The following CSMD1 variants were observed in gnomAD, a reference collection of about 807,000 sequenced individuals.
The protein encoded by CSMD1 is CUB and Sushi multiple domains 1, also known as CUB and sushi domain-containing protein 1.
Under a neutral mutation model 417.5 loss-of-function variants are expected in CSMD1, and 213 were observed. The ratio of observed to expected loss-of-function variants is 0.51; its 90% CI spans 0.46 to 0.57. The LOEUF is 0.57. CSMD1 is among the 20% of genes least tolerant of loss of function. The probability of loss-of-function intolerance (pLI) is 0.00; values close to 1 mark genes in which losing one functional copy is unlikely to be tolerated. For synonymous variants in CSMD1, 2,862 were observed against 1,736.8 expected (o/e 1.65, Z -16.11); for missense variants, 6,923 against 4,529.7 (o/e 1.53, Z -15.17).
chr8:4,799,538 G>A (rs1053725523), intron 1 of CSMD1, among the ~76,000 whole-genome samples: 8 of 139,956 alleles, frequency 5.7e-5, no homozygotes, highest in Admixed American at 4.5e-4. Flanking sequence ...GGCGGAGGTT[G>A]CAGTGAGCTG....
intron 3 of CSMD1, among the ~76,000 whole-genome samples, chr8:4,063,382 A>G (rs972665544): frequency 1.3e-5 from 2 of 152,216 alleles, no homozygotes; most frequent in African/African-American, 4.8e-5. Flanking sequence ...AATATCAGAC[A>G]AGTAAACTAT....
At chr8:2,938,858 G>T in intron 69 of CSMD1, 114 bp from the exon 70 acceptor site, 1 of 894,872 alleles carries the variant, frequency 1.1e-6, no homozygotes, top group Non-Finnish European at 1.7e-6. Context: ...TAGCCAGGAC[G>T]TTTGCAAAGA....
At chr8:4,034,631 A>G (rs1797522283) in intron 3 of CSMD1, among the ~76,000 whole-genome samples, 1 of 152,204 alleles carries the variant, frequency 6.6e-6, no homozygotes, top group African/African-American at 2.4e-5. Flanking sequence ...ACAGTCAAAG[A>G]CACACGTTGT....
chr8:3,510,027 C>G (rs969239770), intron 10 of CSMD1, among the ~76,000 whole-genome samples: 2 of 152,176 alleles, frequency 1.3e-5, no homozygotes, highest in Non-Finnish European at 2.9e-5. Context: ...GTCGCGTATC[C>G]ACTTCTCCCC....
chr8:3,300,393 A>T (rs961620363), intron 25 of CSMD1, among the ~76,000 whole-genome samples: 6 of 152,130 alleles, frequency 3.9e-5, no homozygotes, highest in Non-Finnish European at 7.3e-5. Flanking sequence ...ATTATTTTAA[A>T]ATTAAGAAAA....
intron 5 of CSMD1, among the ~76,000 whole-genome samples, chr8:3,943,556 T>G (rs773613873): frequency 6.6e-6 from 1 of 151,830 alleles, no homozygotes; most frequent in Non-Finnish European, 1.5e-5. Flanking sequence ...TCAAAAAATA[T>G]GTATTATTTA....
At chr8:4,159,735 C>A (rs1295295795) in intron 3 of CSMD1, among the ~76,000 whole-genome samples, 1 of 152,122 alleles carries the variant, frequency 6.6e-6, no homozygotes, top group African/African-American at 2.4e-5. Flanking sequence ...ACTACAGGTG[C>A]CCGCCACCAC....
intron 1 of CSMD1, among the ~76,000 whole-genome samples, chr8:4,730,674 G>A (rs1420975170): frequency 6.6e-6 from 1 of 152,072 alleles, no homozygotes; most frequent in African/African-American, 2.4e-5. Context: ...CCGGGAAGCG[G>A]AGCTTGCAGT....
At chr8:3,155,859 C>T (rs1329544066) in intron 39 of CSMD1, among the ~76,000 whole-genome samples, 1 of 152,154 alleles carries the variant, frequency 6.6e-6, no homozygotes, top group South Asian at 2.1e-4. Flanking sequence ...ATGAGCCTAT[C>T]ATAAAGGCTG....
chr8:3,262,066 C>G (rs930973395), intron 26 of CSMD1, among the ~76,000 whole-genome samples: 6 of 151,062 alleles, frequency 4.0e-5, no homozygotes, highest in African/African-American at 9.8e-5. Context: ...TATGATTACC[C>G]CAAAGTAAAA....
rs555866133 is a variant in CSMD1 at position 4,921,903 on chromosome 8, C to G, written c.85+72429G>C. 2.0e-5 allele frequency among the ~76,000 whole-genome samples: 3 copies of G among 152,288 alleles called. No homozygotes were observed. The East Asian group carries it at 5.8e-4, about 29-fold the overall frequency. ...TTCACTCAGAATTGAACCTTCCATG[C>G]AAGAAGCCACCTCCAGCCTTCTGAA... On this transcript the variant is annotated intron_variant, in intron 1 of 69. Coordinates refer to ENST00000635120, the MANE Select transcript of CSMD1 (RefSeq NM_033225.6).
At chr8:4,225,850 G>T (rs751772801) in intron 3 of CSMD1, among the ~76,000 whole-genome samples, 1 of 152,096 alleles carries the variant, frequency 6.6e-6, no homozygotes, top group Admixed American at 6.6e-5. Context: ...CAGCCTAAAT[G>T]AAAGTTTTAA....
chr8:3,203,000 C>G (rs1440101501), intron 31 of CSMD1, among the ~76,000 whole-genome samples: 1 of 152,118 alleles, frequency 6.6e-6, no homozygotes, highest in African/African-American at 2.4e-5. Flanking sequence ...CACCCACCCA[C>G]CACCTCCCCA....
At chr8:3,756,362 A>C (rs987736299) in intron 5 of CSMD1, among the ~76,000 whole-genome samples, 1 of 152,114 alleles carries the variant, frequency 6.6e-6, no homozygotes, top group Non-Finnish European at 1.5e-5. Flanking sequence ...CAAAAAAAAA[A>C]AAAAATCATT....
intron 7 of CSMD1, among the ~76,000 whole-genome samples, chr8:3,666,330 T>C (rs557474294): frequency 6.6e-6 from 1 of 152,346 alleles, no homozygotes; most frequent in Admixed American, 6.5e-5. Context: ...AAAAGCAACT[T>C]AAATGATATA....
intron 1 of CSMD1, among the ~76,000 whole-genome samples, chr8:4,818,989 GA>G (rs756851603): frequency 6.6e-6 from 1 of 151,762 alleles, no homozygotes; most frequent in Non-Finnish European, 1.5e-5. Context: ...TTTGCAAAAT[GA>G]AAAAAAATAT....
chr8:2,958,296 G>A (rs944509869), intron 62 of CSMD1, among the ~76,000 whole-genome samples: 4 of 152,124 alleles, frequency 2.6e-5, no homozygotes, highest in African/African-American at 7.2e-5. Flanking sequence ...TGTCTGAGGC[G>A]TCTTCCTCAC....
At chr8:3,093,487 T>G (rs1176701829) in intron 47 of CSMD1, among the ~76,000 whole-genome samples, 1 of 151,866 alleles carries the variant, frequency 6.6e-6, no homozygotes, top group Non-Finnish European at 1.5e-5. Flanking sequence ...GCCAATATGG[T>G]AAAACCCCAT....
At chr8:3,751,794 A>C (rs987365694) in intron 6 of CSMD1, among the ~76,000 whole-genome samples, 6 of 152,144 alleles carry the variant, frequency 3.9e-5, no homozygotes, top group African/African-American at 9.7e-5. Context: ...TGCCAAGTTC[A>C]CTGATCAGGT....
Sources: allele counts gnomAD v4.1 joint callset (sites outside exome capture counted in the v4.1 genomes callset), GRCh38; gene constraint gnomAD v4.1.1; transcripts MANE v1.5; gene names NCBI Gene and HGNC (gene_info 2026-07-23, HGNC 2026-07-21).